DPP6: variants seen among roughly 807,000 people sequenced by gnomAD.
DPP6 encodes A-type potassium channel modulatory protein DPP6.
Under a neutral mutation model 122.6 loss-of-function variants are expected in DPP6, and 69 were observed. That is an observed-to-expected ratio of 0.56 (90% CI 0.46 to 0.69). The LOEUF is 0.69. Among genes scored for constraint, DPP6 ranks in the 30% least tolerant of loss-of-function variants. The pLI is 0.00. For missense variants in DPP6, 928 were observed against 1,116.9 expected (o/e 0.83, Z 2.41); for synonymous variants, 418 against 433.1 (o/e 0.97, Z 0.43).
intron 16 of DPP6, among the ~76,000 whole-genome samples, chr7:154,808,942 C>T (rs1013454113): frequency 2.6e-5 from 4 of 152,168 alleles, no homozygotes; most frequent in Admixed American, 6.5e-5. Context: ...GAGCCTCCAT[C>T]GTGGAGATCC....
chr7:154,636,013 C>A (rs574681800), intron 5 of DPP6, among the ~76,000 whole-genome samples: 1 of 152,296 alleles, frequency 6.6e-6, no homozygotes, highest in African/African-American at 2.4e-5. Context: ...TAGGTTCCAT[C>A]TCTTCTCTTC....
intron 1 of DPP6, among the ~76,000 whole-genome samples, chr7:154,423,448 C>G (rs1444487778): frequency 2.0e-5 from 3 of 152,108 alleles, no homozygotes; most frequent in Non-Finnish European, 4.4e-5. Context: ...TGACTTTTCT[C>G]TGGCAGGCAC....
At chr7:154,663,909 T>G (rs1210012730) in intron 6 of DPP6, among the ~76,000 whole-genome samples, 1 of 104,366 alleles carries the variant, frequency 9.6e-6, no homozygotes, top group Non-Finnish European at 2.4e-5. Flanking sequence ...TGAATCACCA[T>G]GGCGTATTGG....
intron 1 of DPP6, among the ~76,000 whole-genome samples, chr7:154,302,692 T>TA (rs1306620732): frequency 6.6e-6 from 1 of 152,176 alleles, no homozygotes; most frequent in African/African-American, 2.4e-5. Context: ...TGTTTAGGTG[T>TA]AAAAAAATAT....
intron 1 of DPP6, among the ~76,000 whole-genome samples, chr7:154,234,389 A>G (rs904669199): frequency 6.6e-6 from 1 of 152,128 alleles, no homozygotes; most frequent in Non-Finnish European, 1.5e-5. Flanking sequence ...TCCAAGGACA[A>G]CTGGCCTTTA....
intron 1 of DPP6, among the ~76,000 whole-genome samples, chr7:154,414,794 C>T (rs575458439): frequency 6.6e-6 from 1 of 152,256 alleles, no homozygotes; most frequent in African/African-American, 2.4e-5. Flanking sequence ...TAGTGCTGGC[C>T]CCACACAGGT....
chr7:153,966,534 A>C, intron 1 of DPP6, among the ~76,000 whole-genome samples: 1 of 122,568 alleles, frequency 8.2e-6, no homozygotes, highest in Middle Eastern at 5.1e-3. Flanking sequence ...GAAGTAATTA[A>C]ACGGTCTGTC....
chr7:154,064,964 G>A lies in DPP6; in HGVS notation c.243+11901G>A, dbSNP rs1449935729. 2.0e-5 allele frequency among the ~76,000 whole-genome samples: 3 copies of A among 152,118 alleles called. No homozygotes were observed. The East Asian group carries it at 5.8e-4, about 29-fold the overall frequency. ...ACCTTGCAGCGTCTCCTCCTCAAAT[G>A]CCTTTTCCTTACAAGAGCTTCCTCT... On this transcript the variant is annotated intron_variant, in intron 1 of 25. Coordinates refer to ENST00000377770, the MANE Select transcript of DPP6 (RefSeq NM_130797.4).
intron 1 of DPP6, among the ~76,000 whole-genome samples, chr7:154,110,469 C>T (rs1157981145): frequency 1.3e-5 from 2 of 152,050 alleles, no homozygotes; most frequent in Non-Finnish European, 2.9e-5. Context: ...GGTGAATATA[C>T]AATAACAGCC....
At chr7:153,952,407 TATATC>T (rs1223589383) in intron 1 of DPP6, among the ~76,000 whole-genome samples, 9 of 152,258 alleles carry the variant, frequency 5.9e-5, no homozygotes, top group African/African-American at 2.2e-4. Context: ...ATACATCACT[TATATC>T]ACTAGGTAAA....
chr7:154,435,539 A>C (rs1192529727), intron 1 of DPP6, among the ~76,000 whole-genome samples: 1 of 152,224 alleles, frequency 6.6e-6, no homozygotes, highest in Admixed American at 6.5e-5. Flanking sequence ...AGCCACCAAT[A>C]ATGAAGACTG....
Position 154,792,771 on chromosome 7 carries a change from C to G in DPP6, c.1137-1308C>G, listed in dbSNP as rs556682671. ...GAAAGGCACGAGAGCTGGATTACAG[C>G]TGAGCGCCCCTCCTGTGTTCACGGG... On this transcript the variant is annotated intron_variant, in intron 10 of 25. Transcript: ENST00000377770. Among the ~76,000 whole-genome samples, 14 of 152,386 alleles carry G rather than the reference C, an allele frequency of 9.2e-5. No individual in the cohort carries two copies. In the East Asian group the frequency reaches 2.7e-3, roughly 29 times the overall value.
the DPP6 span, among the ~76,000 whole-genome samples, chr7:153,788,446 C>T: frequency 1.3e-5 from 2 of 152,202 alleles, no homozygotes; most frequent in African/African-American, 4.8e-5. Context: ...GGCTCAAAAA[C>T]TTATCAGTTT....
At position 154,618,983 on chromosome 7, in the gene DPP6, T is replaced by C. The variant is rs924434003; in HGVS notation, c.628-18838T>C. Among the ~76,000 whole-genome samples, 1 of 152,154 alleles carries C rather than the reference T, an allele frequency of 6.6e-6. No homozygotes were observed. Among genetic ancestry groups the C allele is most frequent in the Non-Finnish European group, 1.5e-5 (1 of 68,020 alleles). Reference sequence around the variant, plus strand: ...GCAGGTTTTTCCCATGCTGTTCTCGTGAGAGTAAATGAGTCTTACAAGATC... The same window carrying C: ...GCAGGTTTTTCCCATGCTGTTCTCGCGAGAGTAAATGAGTCTTACAAGATC... On this transcript the variant is annotated intron_variant, in intron 5 of 25. Coordinates refer to ENST00000377770, the MANE Select transcript of DPP6 (RefSeq NM_130797.4). The surrounding 1 kb of genome is among the most constrained non-coding windows in gnomAD (Gnocchi z 4.1).
At chr7:154,057,406 G>T in intron 1 of DPP6, 2 of 227,426 alleles carry the variant, frequency 8.8e-6, no homozygotes, top group Non-Finnish European at 1.4e-5. Flanking sequence ...GACGCCCATC[G>T]GGGATCCTAA....
intron 5 of DPP6, among the ~76,000 whole-genome samples, chr7:154,594,120 C>T (rs1030902028): frequency 2.0e-5 from 3 of 152,130 alleles, no homozygotes; most frequent in Non-Finnish European, 4.4e-5. Context: ...TCTAGCAGTC[C>T]GGTCATTCTT....
chr7:154,012,629 A>G (rs369811770), intron 1 of DPP6, among the ~76,000 whole-genome samples: 118 of 150,694 alleles, frequency 7.8e-4, no homozygotes, highest in African/African-American at 2.7e-3. Context: ...CAAACTGACA[A>G]GTAACCCTAT....
intron 6 of DPP6, among the ~76,000 whole-genome samples, chr7:154,649,606 G>A (rs1836738740): frequency 6.6e-6 from 1 of 152,206 alleles, no homozygotes; most frequent in Admixed American, 6.5e-5. Context: ...TCCACCTGCA[G>A]CTGTGGGGAG....
rs192723700 is a variant in DPP6 at position 154,559,373 on chromosome 7, G to A, written c.553-7469G>A. ...AAAAAAAAAAAAGCCTGAACAGCATGTCAATAAGCTGTTGGACAGTATAAA... is the reference window on the plus strand; with the variant it reads ...AAAAAAAAAAAAGCCTGAACAGCATATCAATAAGCTGTTGGACAGTATAAA... On this transcript the variant is annotated intron_variant, in intron 4 of 25. Coordinates refer to ENST00000377770, the MANE Select transcript of DPP6 (RefSeq NM_130797.4). Among the ~76,000 whole-genome samples the A allele has an allele frequency of 3.6e-3, 531 of 145,986 alleles. 2 individuals carry two copies. Among genetic ancestry groups the A allele is most frequent in the Non-Finnish European group, 5.7e-3 (383 of 66,862 alleles).
Sources: gnomAD v4.1 joint callset for allele counts (sites outside exome capture counted in the v4.1 genomes callset) on GRCh38, gnomAD v4.1.1 for gene constraint, Gnocchi (gnomAD v3.1) non-coding constraint, MANE v1.5 for transcripts, NCBI Gene and HGNC (gene_info 2026-07-23, HGNC 2026-07-21) for gene names.